ASTN2: variants seen among roughly 807,000 people sequenced by gnomAD.
ASTN2 encodes the protein astrotactin 2.
ASTN2 carries 54 observed loss-of-function variants against 139.8 expected under a neutral mutation model. The ratio of observed to expected loss-of-function variants is 0.39; its 90% CI spans 0.31 to 0.48. ASTN2 has a LOEUF of 0.48. ASTN2 is among the 20% of genes least tolerant of loss of function. The pLI is 0.95. For missense variants in ASTN2, 1,565 were observed against 1,725.1 expected (o/e 0.91, Z 1.64); for synonymous variants, 756 against 719.5 (o/e 1.05, Z -0.81).
chr9:117,325,870 C>A (rs903895769), intron 1 of ASTN2, among the ~76,000 whole-genome samples: 8 of 152,088 alleles, frequency 5.3e-5, no homozygotes, highest in African/African-American at 1.7e-4. Context: ...CCAAACTCAA[C>A]GCTGTCAGTC....
chr9:116,954,167 T>C (rs1013145400), intron 10 of ASTN2, among the ~76,000 whole-genome samples: 1 of 152,210 alleles, frequency 6.6e-6, no homozygotes, highest in Non-Finnish European at 1.5e-5. Flanking sequence ...TGATATAGCA[T>C]CATTATCCCT....
At chr9:117,108,073 G>C (rs754585356) in intron 4 of ASTN2, among the ~76,000 whole-genome samples, 4 of 152,184 alleles carry the variant, frequency 2.6e-5, no homozygotes, top group Non-Finnish European at 5.9e-5. Flanking sequence ...CAATCATTGA[G>C]TACATGTAAG....
At chr9:116,893,819 C>T (rs536149083) in intron 10 of ASTN2, among the ~76,000 whole-genome samples, 16 of 152,156 alleles carry the variant, frequency 1.1e-4, no homozygotes, top group Non-Finnish European at 2.2e-4. Context: ...TTTCTCTATC[C>T]CAAGCCCACT....
At chr9:116,655,506 CT>C (rs1858155856) in intron 16 of ASTN2, among the ~76,000 whole-genome samples, 1 of 152,128 alleles carries the variant, frequency 6.6e-6, no homozygotes, top group Admixed American at 6.5e-5. Context: ...GGCTAAATCC[CT>C]TGCATATACC....
At chr9:117,332,621 C>A (rs1828748791) in intron 1 of ASTN2, among the ~76,000 whole-genome samples, 1 of 152,152 alleles carries the variant, frequency 6.6e-6, no homozygotes, top group African/African-American at 2.4e-5. Context: ...GCCTATTTAA[C>A]AGATGAGAAA....
At chr9:117,206,567 C>G (rs2133003775) in intron 3 of ASTN2, among the ~76,000 whole-genome samples, 1 of 152,276 alleles carries the variant, frequency 6.6e-6, no homozygotes, top group East Asian at 1.9e-4. Context: ...AGCCATGGCA[C>G]CTCTCCAGCA....
intron 1 of ASTN2, among the ~76,000 whole-genome samples, chr9:117,301,088 G>T (rs766960276): frequency 2.2e-4 from 33 of 152,288 alleles, no homozygotes; most frequent in Non-Finnish European, 3.7e-4. Context: ...TATCGTTTCA[G>T]ATTAGATTTG....
At chr9:117,236,061 C>T (rs1833035463) in intron 2 of ASTN2, among the ~76,000 whole-genome samples, 1 of 152,132 alleles carries the variant, frequency 6.6e-6, no homozygotes, top group Admixed American at 6.5e-5. Flanking sequence ...AATCTGGTGA[C>T]ATAGGTATGT....
chr9:117,096,583 A>T (rs1587958949), intron 4 of ASTN2, among the ~76,000 whole-genome samples: 1 of 152,208 alleles, frequency 6.6e-6, no homozygotes, highest in South Asian at 2.1e-4. Flanking sequence ...TTTTAACCAC[A>T]TTTCAATAAA....
intron 2 of ASTN2, among the ~76,000 whole-genome samples, chr9:117,286,730 T>C (rs1834460276): frequency 6.6e-6 from 1 of 152,262 alleles, no homozygotes; most frequent in African/African-American, 2.4e-5. Flanking sequence ...TATAAAATGC[T>C]GGCATGAGCA....
At chr9:116,557,608 T>G (rs1852698160) in intron 19 of ASTN2, 1 of 152,184 alleles carries the variant, frequency 6.6e-6, no homozygotes, top group African/African-American at 2.4e-5. Context: ...TCAATTTAGA[T>G]GGAGACATGG....
intron 3 of ASTN2, among the ~76,000 whole-genome samples, chr9:117,207,491 C>G (rs1041387361): frequency 9.9e-5 from 15 of 152,150 alleles, no homozygotes; most frequent in African/African-American, 3.6e-4. Flanking sequence ...CATAGCAGGC[C>G]TAAGAAACTG....
Position 117,033,737 on chromosome 9 carries a change from CTTAAG to C in ASTN2, c.1423+6077_1423+6081del, listed in dbSNP as rs1838310243. Among the ~76,000 whole-genome samples, 4 of 152,160 alleles carry C rather than the reference CTTAAG, an allele frequency of 2.6e-5. No homozygotes were observed. The South Asian group carries it at 8.3e-4, about 32-fold the overall frequency. ...ACCTTAGACTGGGGGCTCAGGTAGG[CTTAAG>C]TTTTCATACCACGTCATCTATGTGT... is the stretch of plus-strand genomic sequence containing the variant. On this transcript the variant is annotated intron_variant, in intron 6 of 22. Coordinates refer to ENST00000313400, the MANE Select transcript of ASTN2 (RefSeq NM_001365068.1).
chr9:116,464,721 G>A (rs987026729), intron 20 of ASTN2, among the ~76,000 whole-genome samples: 3 of 152,128 alleles, frequency 2.0e-5, no homozygotes, highest in African/African-American at 7.2e-5. Context: ...CCTTTGTACT[G>A]GGCAATTTTG....
At chr9:117,036,241 T>C (rs879651080) in intron 6 of ASTN2, among the ~76,000 whole-genome samples, 1 of 152,164 alleles carries the variant, frequency 6.6e-6, no homozygotes, top group South Asian at 2.1e-4. Flanking sequence ...TATTATGGCA[T>C]GTAAGGGATG....
At chr9:116,972,897 T>G (rs2132521456) in intron 10 of ASTN2, among the ~76,000 whole-genome samples, 1 of 152,340 alleles carries the variant, frequency 6.6e-6, no homozygotes, top group Non-Finnish European at 1.5e-5. Context: ...AATCTCTTTG[T>G]TGTGATTCCA....
chr9:116,948,548 G>A (rs1744283929), intron 10 of ASTN2, among the ~76,000 whole-genome samples: 1 of 151,914 alleles, frequency 6.6e-6, no homozygotes, highest in Admixed American at 6.6e-5. Flanking sequence ...TTTTTCCCAG[G>A]AGCACTGATT....
chr9:117,236,311 A>C (rs896012499), intron 2 of ASTN2, among the ~76,000 whole-genome samples: 1 of 152,300 alleles, frequency 6.6e-6, no homozygotes, highest in Admixed American at 6.5e-5. Flanking sequence ...CAGTCCTGGA[A>C]CAGTACTAAG....
At chr9:116,681,443 T>C (rs1306290172) in intron 16 of ASTN2, among the ~76,000 whole-genome samples, 2 of 152,116 alleles carry the variant, frequency 1.3e-5, no homozygotes, top group Non-Finnish European at 2.9e-5. Context: ...AAAATGGCCA[T>C]ACTGCCCAAG....
Sources: gnomAD v4.1 joint callset for allele counts (sites outside exome capture counted in the v4.1 genomes callset) on GRCh38, gnomAD v4.1.1 for gene constraint, MANE v1.5 for transcripts, NCBI Gene and HGNC (gene_info 2026-07-23, HGNC 2026-07-21) for gene names.